Variants in SUGCT observed in about 807,000 individuals in gnomAD.
The protein encoded by SUGCT is succinyl-CoA:glutarate-CoA transferase, also known as succinyl-CoA:glutarate CoA-transferase.
SUGCT carries 41 observed loss-of-function variants against 55.0 expected under a neutral mutation model. The ratio of observed to expected loss-of-function variants is 0.74; its 90% CI spans 0.58 to 0.97. The LOEUF is 0.97. Ranked by LOEUF, SUGCT falls within the 50% of genes least tolerant of loss-of-function variation. The probability of loss-of-function intolerance (pLI) is 0.00; values close to 1 mark genes in which losing one functional copy is unlikely to be tolerated. For synonymous variants in SUGCT, 187 were observed against 200.4 expected, an observed-to-expected ratio of 0.93 and a Z score of 0.56; for missense variants, 568 against 547.8, an observed-to-expected ratio of 1.04 and a Z score of -0.37.
At chr7:40,601,172 T>G (rs1315003746) in intron 12 of SUGCT, among the ~76,000 whole-genome samples, 1 of 152,214 alleles carries the variant, frequency 6.6e-6, no homozygotes, top group Non-Finnish European at 1.5e-5. Flanking sequence ...TAGCAAATAG[T>G]TCAGTATTTG....
chr7:40,267,927 T>G (rs1295741485), intron 7 of SUGCT, among the ~76,000 whole-genome samples: 2 of 152,200 alleles, frequency 1.3e-5, no homozygotes, highest in Non-Finnish European at 1.5e-5. Flanking sequence ...ATTGTTACCC[T>G]TGACTGAAAT....
intron 13 of SUGCT, 121 bp downstream of exon 13, chr7:40,749,618 C>T: frequency 1.3e-6 from 1 of 773,266 alleles, no homozygotes; most frequent in Admixed American, 2.2e-5. Flanking sequence ...AAATTTATAA[C>T]ATTGGGTAAA....
intron 9 of SUGCT, among the ~76,000 whole-genome samples, chr7:40,333,572 G>A (rs1206970629): frequency 7.0e-6 from 1 of 143,612 alleles, no homozygotes; most frequent in Non-Finnish European, 1.5e-5. Context: ...GGGAGGTGGA[G>A]GTTGTAGTGA....
At chr7:40,234,874 G>T (rs1403805190) in intron 6 of SUGCT, among the ~76,000 whole-genome samples, 17 of 151,604 alleles carry the variant, frequency 1.1e-4, no homozygotes, top group Admixed American at 7.9e-4. Flanking sequence ...GTGCCACTGC[G>T]CTCCGGTCTG....
intron 11 of SUGCT, among the ~76,000 whole-genome samples, chr7:40,461,339 A>C (rs1789788702): frequency 6.6e-6 from 1 of 152,166 alleles, no homozygotes; most frequent in Non-Finnish European, 1.5e-5. Flanking sequence ...GATTAGACGT[A>C]GCCTCCAGCC....
chr7:40,657,902 C>G (rs535951196), intron 12 of SUGCT, among the ~76,000 whole-genome samples: 2 of 152,306 alleles, frequency 1.3e-5, no homozygotes, highest in African/African-American at 4.8e-5. Flanking sequence ...AAATGTCTGG[C>G]TGAAGCTTTT....
intron 8 of SUGCT, among the ~76,000 whole-genome samples, chr7:40,274,964 G>T (rs1792366029): frequency 1.3e-5 from 2 of 152,074 alleles, no homozygotes; most frequent in South Asian, 4.1e-4. Flanking sequence ...ACCACGCCCG[G>T]CTAATTTTGT....
At chr7:40,964,697 T>C in the SUGCT span, 8 of 152,248 alleles carry the variant, frequency 5.3e-5, no homozygotes, top group Non-Finnish European at 7.3e-5. Context: ...TACTTAATTC[T>C]TTATTGATAT....
In SUGCT at chr7:40,189,577, G is replaced by T. The variant is rs1438973991; in HGVS notation, c.346G>T (p.Val116Leu). Residue 116 changes from valine to leucine, a missense_variant, in exon 5 of 14, where the codon GTG becomes TTG. By Grantham distance (32) the Val-to-Leu change is conservative. Coordinates refer to ENST00000335693, the MANE Select transcript of SUGCT (RefSeq NM_001193313.2). ...TGTTAATATCAAGGATCCAAAAGGG[G>T]TGAAAATCATCAAAGAGGTACAGTA... ...IAVNIKDPKG[V>L]KIIKELAAVC... 2 of 1,406,108 alleles carry T rather than the reference G, an allele frequency of 1.4e-6. No individual in the cohort carries two copies. The highest frequency in any genetic ancestry group is 3.3e-5 in the South Asian group (2 of 61,112). 87.1% of individuals were successfully genotyped at this position (1,406,108 alleles called of 1,614,324 possible).
chr7:41,007,308 G>C, the SUGCT span, among the ~76,000 whole-genome samples: 2 of 152,096 alleles, frequency 1.3e-5, no homozygotes, highest in African/African-American at 4.8e-5. Context: ...GATCAAGTGA[G>C]ATGGCCCTCA....
chr7:40,587,659 T>G (rs1797463447), intron 12 of SUGCT, among the ~76,000 whole-genome samples: 1 of 152,144 alleles, frequency 6.6e-6, no homozygotes, highest in Admixed American at 6.6e-5. Flanking sequence ...ATTAACATGA[T>G]TGGTAAGATG....
intron 1 of SUGCT, among the ~76,000 whole-genome samples, chr7:40,162,623 T>A (rs536714255): frequency 6.6e-6 from 1 of 152,162 alleles, no homozygotes; most frequent in East Asian, 1.9e-4. Context: ...ACCACAGGCA[T>A]GCACCATCAT....
At chr7:40,877,983 T>C in the SUGCT span, among the ~76,000 whole-genome samples, 3 of 152,212 alleles carry the variant, frequency 2.0e-5, no homozygotes, top group Non-Finnish European at 4.4e-5. Flanking sequence ...TACTTCCCAC[T>C]TCTAGGTGCC....
At chr7:40,546,711 T>G (rs1795012583) in intron 12 of SUGCT, 2 of 152,198 alleles carry the variant, frequency 1.3e-5, no homozygotes, top group Admixed American at 6.5e-5. Flanking sequence ...GGCAGTGACT[T>G]ACCCCAGGGC....
At chr7:40,968,812 T>C in the SUGCT span, among the ~76,000 whole-genome samples, 1 of 152,162 alleles carries the variant, frequency 6.6e-6, no homozygotes, top group Non-Finnish European at 1.5e-5. Context: ...GGGCTGTGGC[T>C]GAGCTGCTAC....
chr7:40,239,623 A>G (rs1270450833), intron 7 of SUGCT, among the ~76,000 whole-genome samples: 2 of 152,220 alleles, frequency 1.3e-5, no homozygotes, highest in Non-Finnish European at 2.9e-5. Flanking sequence ...GGATTACTGT[A>G]GTTCCTTTAG....
intron 6 of SUGCT, among the ~76,000 whole-genome samples, chr7:40,201,376 TAATC>T (rs984750773): frequency 4.6e-5 from 7 of 152,166 alleles, no homozygotes; most frequent in Non-Finnish European, 5.9e-5. Flanking sequence ...ACTGAATAAA[TAATC>T]AATATGGAGA....
chr7:40,147,886 C>A (rs564473164), intron 1 of SUGCT, among the ~76,000 whole-genome samples: 1 of 152,336 alleles, frequency 6.6e-6, no homozygotes, highest in East Asian at 1.9e-4. Context: ...CTTTTTAATT[C>A]TCAGCAAGGC....
At chr7:40,250,962 G>C (rs895012726) in intron 7 of SUGCT, among the ~76,000 whole-genome samples, 1 of 150,486 alleles carries the variant, frequency 6.6e-6, no homozygotes, top group East Asian at 2.0e-4. Context: ...TCAGCCTCCC[G>C]AGTAGCTGGG....
Sources: gnomAD v4.1 joint callset for allele counts (sites outside exome capture counted in the v4.1 genomes callset) on GRCh38, gnomAD v4.1.1 for gene constraint, MANE v1.5 for transcripts, NCBI Gene and HGNC (gene_info 2026-07-23, HGNC 2026-07-21) for gene names.